The following MTHFD1L variants were observed in gnomAD, a reference collection of about 807,000 sequenced individuals.
The protein encoded by MTHFD1L is methylenetetrahydrofolate dehydrogenase (NADP+ dependent) 1 like.
A neutral mutation model predicts 119.5 loss-of-function variants in MTHFD1L; 81 were observed. That is an observed-to-expected ratio of 0.68 (90% CI 0.57 to 0.82). MTHFD1L has a LOEUF of 0.82. MTHFD1L is among the 40% of genes least tolerant of loss of function. The probability of loss-of-function intolerance (pLI) is 0.00; values close to 1 mark genes in which losing one functional copy is unlikely to be tolerated. For synonymous variants in MTHFD1L, 430 were observed against 475.2 expected (o/e 0.90, Z 1.24); for missense variants, 1,125 against 1,253.4 (o/e 0.90, Z 1.55).
At chr6:151,061,261 A>G (rs533688612) in intron 26 of MTHFD1L, among the ~76,000 whole-genome samples, 1 of 152,280 alleles carries the variant, frequency 6.6e-6, no homozygotes, top group East Asian at 1.9e-4. Flanking sequence ...CTCAGGCGCA[A>G]GCTTCCAGAG....
chr6:151,049,092 ATGCCTGTAAT>A (rs1788570712), intron 26 of MTHFD1L, among the ~76,000 whole-genome samples: 1 of 152,222 alleles, frequency 6.6e-6, no homozygotes, highest in Non-Finnish European at 1.5e-5. Flanking sequence ...ACGGTGGCTC[ATGCCTGTAAT>A]GCCAACACTT....
At chr6:150,956,259 A>G (rs994774219) in intron 17 of MTHFD1L, among the ~76,000 whole-genome samples, 188 bp downstream of exon 17, 5 of 151,980 alleles carry the variant, frequency 3.3e-5, no homozygotes, top group African/African-American at 9.7e-5. Flanking sequence ...TCTTTTTACC[A>G]TCTTTTCTAT....
At chr6:150,935,189 G>T (rs1791845077) in intron 11 of MTHFD1L, 1 of 1,611,904 alleles carries the variant, frequency 6.2e-7, no homozygotes, top group Non-Finnish European at 8.5e-7. Context: ...TCACTTCTGG[G>T]ATGTAGGTGG....
intron 26 of MTHFD1L, among the ~76,000 whole-genome samples, chr6:151,080,281 G>A (rs186729704): frequency 8.5e-4 from 129 of 152,286 alleles, no homozygotes; most frequent in African/African-American, 3.0e-3. Context: ...ATTTGTGAAC[G>A]ATTTGAGGAC....
chr6:150,917,069 A>G (rs1788105856), intron 8 of MTHFD1L, among the ~76,000 whole-genome samples: 1 of 151,460 alleles, frequency 6.6e-6, no homozygotes, highest in Non-Finnish European at 1.5e-5. Flanking sequence ...CCGGTTCTAT[A>G]ACTTCTATGA....
chr6:151,071,407 T>C (rs1021240852), intron 26 of MTHFD1L, among the ~76,000 whole-genome samples: 1 of 152,158 alleles, frequency 6.6e-6, no homozygotes, highest in East Asian at 1.9e-4. Context: ...GAAAAATCAC[T>C]AATGGGCTGA....
chr6:150,969,005 T>A (rs985844789), intron 19 of MTHFD1L, among the ~76,000 whole-genome samples: 2 of 151,646 alleles, frequency 1.3e-5, no homozygotes, highest in Non-Finnish European at 2.9e-5. Flanking sequence ...CCCGCTACCA[T>A]GCCTGGCTAA....
rs1382338278 is a variant in MTHFD1L at position 151,037,033 on chromosome 6, A to G, written c.2763A>G (p.Lys921=). 2 of 1,611,990 alleles carry G rather than the reference A, an allele frequency of 1.2e-6. No homozygotes were observed. The highest frequency in any genetic ancestry group is 1.7e-5 in the Admixed American group (1 of 60,010). Residue 921 remains lysine (K), a synonymous_variant, in exon 26 of 28, where the codon AAA becomes AAG. Coordinates refer to ENST00000367321, the MANE Select transcript of MTHFD1L (RefSeq NM_015440.5). ...CTCTATCTCACCAACCTGACAAAAA[A>G]GGTGTGCCAAGGGACTTCATCTTAC... ...HLSLSHQPDK[K]GVPRDFILPI...
chr6:150,918,495 G>A, intron 8 of MTHFD1L, 82 bp from the exon 9 acceptor site: 1 of 964,456 alleles, frequency 1.0e-6, no homozygotes, highest in Non-Finnish European at 1.7e-6. Flanking sequence ...CCACTATTCA[G>A]TGTGCTAGCT....
intron 26 of MTHFD1L, among the ~76,000 whole-genome samples, chr6:151,047,101 A>G (rs193261045): frequency 4.6e-5 from 7 of 152,336 alleles, no homozygotes; most frequent in African/African-American, 7.2e-5. Context: ...TGTCATTGAT[A>G]GGTTCTTGGA....
intron 20 of MTHFD1L, among the ~76,000 whole-genome samples, chr6:150,998,044 G>A (rs756273484): frequency 1.3e-5 from 2 of 152,178 alleles, no homozygotes; most frequent in Non-Finnish European, 2.9e-5. Flanking sequence ...AGCAGCAATT[G>A]CATTTTATAT....
At chr6:151,062,536 A>G (rs1790766776) in intron 26 of MTHFD1L, among the ~76,000 whole-genome samples, 1 of 152,172 alleles carries the variant, frequency 6.6e-6, no homozygotes, top group Non-Finnish European at 1.5e-5. Flanking sequence ...GATAAATGGG[A>G]CAAAGTCTTT....
Position 150,905,657 on chromosome 6 carries a change from AG to A in MTHFD1L, c.790del (p.Ala264LeufsTer6), listed in dbSNP as rs1785782352. 3 of 1,613,744 alleles carry A rather than the reference AG, an allele frequency of 1.9e-6. No homozygotes were observed. The highest frequency in any genetic ancestry group is 2.5e-6 in the Non-Finnish European group (3 of 1,179,754). On this transcript the variant is annotated frameshift_variant, in exon 8 of 28. Coordinates refer to ENST00000367321, the MANE Select transcript of MTHFD1L (RefSeq NM_015440.5). LOFTEE classifies it high-confidence loss of function. ...KTRQLQSKLH[E>X]ADIVVLGSPK... Reference sequence around the variant, plus strand: ...TTTTCTTTCTCCTTTTAGCTTCACGAGGCTGACATTGTGGTCCTAGGCTCAC... The same window carrying A: ...TTTTCTTTCTCCTTTTAGCTTCACGAGCTGACATTGTGGTCCTAGGCTCAC...
intron 27 of MTHFD1L, among the ~76,000 whole-genome samples, chr6:151,099,025 A>C (rs183206395): frequency 5.9e-5 from 9 of 152,084 alleles, no homozygotes; most frequent in Non-Finnish European, 1.3e-4. Context: ...AAAATACAAA[A>C]ATTAGTCGGG....
At chr6:150,942,254 C>T (rs566839462) in intron 13 of MTHFD1L, among the ~76,000 whole-genome samples, 32 of 152,220 alleles carry the variant, frequency 2.1e-4, no homozygotes, top group East Asian at 5.8e-4. Context: ...AGCGAGACTC[C>T]GTCTCCAAAT....
chr6:151,017,037 A>T (rs1584151111), intron 24 of MTHFD1L, among the ~76,000 whole-genome samples: 1 of 151,282 alleles, frequency 6.6e-6, no homozygotes, highest in South Asian at 2.1e-4. Flanking sequence ...GGCCTCCCAG[A>T]GTGCTAGGGT....
intron 27 of MTHFD1L, chr6:151,099,562 G>A (rs1005523167): frequency 1.3e-4 from 202 of 1,605,520 alleles, no homozygotes; most frequent in Middle Eastern, 3.3e-4. Context: ...GCCCAAGATC[G>A]TCAAAAAGAG....
chr6:150,958,673 A>C (rs747621314), intron 17 of MTHFD1L, among the ~76,000 whole-genome samples: 1 of 152,212 alleles, frequency 6.6e-6, no homozygotes, highest in Non-Finnish European at 1.5e-5. Flanking sequence ...TATATACCTA[A>C]AAAAATGAAA....
intron 12 of MTHFD1L, among the ~76,000 whole-genome samples, chr6:150,937,535 G>A (rs1272818638): frequency 5.9e-5 from 9 of 152,268 alleles, no homozygotes; most frequent in Admixed American, 2.0e-4. Flanking sequence ...TTGGCACTTC[G>A]TGATTTTTTA....
Sources: gnomAD v4.1 joint callset for allele counts (sites outside exome capture counted in the v4.1 genomes callset) on GRCh38, gnomAD v4.1.1 for gene constraint, MANE v1.5 for transcripts, NCBI Gene and HGNC (gene_info 2026-07-23, HGNC 2026-07-21) for gene names.